Variants in PRKAR1A observed in about 807,000 individuals in gnomAD.
PRKAR1A encodes the protein protein kinase cAMP-dependent type I regulatory subunit alpha, also known as cAMP-dependent protein kinase type I-alpha regulatory subunit.
In PRKAR1A, 3 loss-of-function variants were observed where a neutral mutation model predicts 52.0. The observed-to-expected ratio is 0.06, with a 90% CI of 0.03 to 0.15. PRKAR1A has a LOEUF of 0.15. Ranked by LOEUF, PRKAR1A falls within the 10% of genes least tolerant of loss-of-function variation. The probability of loss-of-function intolerance (pLI) is 1.00; values close to 1 mark genes in which losing one functional copy is unlikely to be tolerated. For missense variants in PRKAR1A, 240 were observed against 477.4 expected (o/e 0.50, Z 4.63); for synonymous variants, 188 against 168.4 (o/e 1.12, Z -0.90).
chr17:68,546,723 G>A lies in PRKAR1A; in HGVS notation c.974-4361G>A, dbSNP rs560862883. 5.9e-5 allele frequency among the ~76,000 whole-genome samples: 9 copies of A among 152,026 alleles called. No individual in the cohort carries two copies. The South Asian group carries it at 1.5e-3, about 25-fold the overall frequency. On this transcript the variant is annotated intron_variant, in intron 11 of 11. Coordinates refer to the PRKAR1A transcript ENST00000585981. Reference sequence around the variant, plus strand: ...CCGGCGCCTGTAGTCCCAGCCACTCGGGAGGCTGAGGCAGGAGAATGGCGT... The same window carrying A: ...CCGGCGCCTGTAGTCCCAGCCACTCAGGAGGCTGAGGCAGGAGAATGGCGT...
chr17:68,542,079 A>C, intron 11 of PRKAR1A: 1 of 1,613,928 alleles, frequency 6.2e-7, no homozygotes, highest in Non-Finnish European at 8.5e-7. Flanking sequence ...GCAGAGAGGG[A>C]ACCCTCCAGC....
downstream of PRKAR1A, chr17:68,535,197 C>T (rs775081159): frequency 1.3e-5 from 6 of 444,588 alleles, no homozygotes; most frequent in Admixed American, 2.4e-5. Flanking sequence ...AAGAATGAAA[C>T]GGTTGGTTTT....
Position 68,531,378 on chromosome 17 carries a change from G to A in PRKAR1A, c.*929G>A. The A allele has an allele frequency of 9.4e-7, 1 of 1,065,686 alleles. No homozygotes were observed. Among genetic ancestry groups the A allele is most frequent in the African/African-American group, 1.6e-5 (1 of 61,184 alleles). 66.0% of individuals were successfully genotyped at this position (1,065,686 alleles called of 1,614,324 possible). A position where few individuals can be genotyped will look rare whatever the true frequency, so the allele number is the denominator to read the frequency against. On this transcript the variant is annotated 3_prime_UTR_variant, in exon 11 of 11. Transcript: ENST00000589228. ...TATAATCTCCTCTGCTCATTAAACT[G>A]ATTCCAGGAGATTGGATTTGCTGTG...
At chr17:68,484,664 T>C in the PRKAR1A span, among the ~76,000 whole-genome samples, 1 of 152,182 alleles carries the variant, frequency 6.6e-6, no homozygotes, top group Admixed American at 6.5e-5. Context: ...GAGTAAAATG[T>C]TCCAGGTTTT....
Position 68,515,158 on chromosome 17 carries a change from C to T in PRKAR1A, c.-6-236C>T, listed in dbSNP as rs72847785. On this transcript the variant is annotated intron_variant, in intron 1 of 10. Transcript: ENST00000589228. The stretch of plus-strand genomic sequence containing the variant: ...ACTTCCTCCCAGGAGCTGAGGTTAT[C>T]GACTCTCACTGTTGCCTACAGAGCA... 0.14 allele frequency: 76,170 copies of T among 525,868 alleles called. 5,862 individuals are homozygous for T. The highest frequency in any genetic ancestry group is 0.19 in the South Asian group (9,279 of 48,824). 32.6% of individuals were successfully genotyped at this position (525,868 alleles called of 1,614,324 possible).
chr17:68,503,271 T>C, the PRKAR1A span, among the ~76,000 whole-genome samples: 1 of 152,210 alleles, frequency 6.6e-6, no homozygotes, highest in Admixed American at 6.5e-5. Flanking sequence ...GAATGCAAGA[T>C]GGTACAGGGT....
intron 5 of PRKAR1A, 189 bp downstream of exon 5, chr17:68,524,266 G>A: frequency 1.7e-6 from 1 of 597,670 alleles, no homozygotes; most frequent in Non-Finnish European, 2.9e-6. Flanking sequence ...ACTTTGTATT[G>A]GGAACTAATA....
chr17:68,474,049 G>GA, the PRKAR1A span, among the ~76,000 whole-genome samples: 2 of 150,842 alleles, frequency 1.3e-5, no homozygotes, highest in South Asian at 4.1e-4. Flanking sequence ...AACTCTTGAA[G>GA]AAAAAAATGC....
the PRKAR1A span, among the ~76,000 whole-genome samples, chr17:68,468,579 C>A: frequency 6.6e-6 from 1 of 152,174 alleles, no homozygotes; most frequent in Non-Finnish European, 1.5e-5. Context: ...TTGGCTAAAG[C>A]TGAATGCACC....
chr17:68,452,815 G>A, the PRKAR1A span: 1 of 1,151,544 alleles, frequency 8.7e-7, no homozygotes, highest in Non-Finnish European at 1.3e-6. Context: ...CTAAGGAAGG[G>A]AAAAATAGGC....
downstream of PRKAR1A, among the ~76,000 whole-genome samples, chr17:68,534,014 C>T (rs546845197): frequency 1.1e-4 from 16 of 152,272 alleles, 1 homozygote; most frequent in South Asian, 2.9e-3. Context: ...TGTGAGCCAG[C>T]GTGCCCGTCT....
At chr17:68,520,575 TAAA>T (rs1430750939) in intron 2 of PRKAR1A, among the ~76,000 whole-genome samples, 7 of 152,144 alleles carry the variant, frequency 4.6e-5, no homozygotes, top group Admixed American at 4.6e-4. Flanking sequence ...TCACCTCACT[TAAA>T]GAGCTGAGGA....
At position 68,532,276 on chromosome 17, in the gene PRKAR1A, G is replaced by A. The variant is rs182258323; in HGVS notation, c.*1827G>A. ...TTGATCTTTGTTTAAATGCCAAAAT[G>A]TACTTAAATGAGTTACTTAGAATGC... On this transcript the variant is annotated 3_prime_UTR_variant, in exon 11 of 11. Coordinates refer to ENST00000589228, the MANE Select transcript of PRKAR1A (RefSeq NM_002734.5). 32 of 1,044,564 alleles carry A rather than the reference G, an allele frequency of 3.1e-5. No homozygotes were observed. In the East Asian group the frequency reaches 1.6e-3, roughly 51 times the overall value. The allele number at this position is 1,044,564 out of a possible 1,614,324, so 64.7% of individuals were successfully genotyped here. A position where few individuals can be genotyped will look rare whatever the true frequency, so the allele number is the denominator to read the frequency against.
chr17:68,513,320 C>G (rs549490843), intron 1 of PRKAR1A: 1 of 152,358 alleles, frequency 6.6e-6, no homozygotes, highest in African/African-American at 2.4e-5. Flanking sequence ...GACCGTCCTA[C>G]TCCTTGAGAG....
the PRKAR1A span, among the ~76,000 whole-genome samples, chr17:68,469,753 T>G: frequency 6.6e-6 from 1 of 152,192 alleles, no homozygotes; most frequent in Non-Finnish European, 1.5e-5. Flanking sequence ...AGCTTTTGTT[T>G]GTATGGATTA....
intron 2 of PRKAR1A, among the ~76,000 whole-genome samples, chr17:68,521,841 AAGT>A (rs1041527835): frequency 1.3e-5 from 2 of 152,232 alleles, no homozygotes; most frequent in African/African-American, 4.8e-5. Flanking sequence ...ATGAATGAGA[AAGT>A]AGAAGATAAC....
intron 2 of PRKAR1A, among the ~76,000 whole-genome samples, chr17:68,521,529 TC>T (rs2085610333): frequency 6.6e-6 from 1 of 152,264 alleles, no homozygotes; most frequent in African/African-American, 2.4e-5. Context: ...CTGTACCCAG[TC>T]ATGTATTCTT....
chr17:68,427,964 A>C, the PRKAR1A span, among the ~76,000 whole-genome samples: 1 of 151,872 alleles, frequency 6.6e-6, no homozygotes, highest in Non-Finnish European at 1.5e-5. Context: ...ACCACAGCTT[A>C]CTGCAGTCTT....
At chr17:68,526,144 A>G (rs1225568668) in intron 7 of PRKAR1A, among the ~76,000 whole-genome samples, 1 of 152,238 alleles carries the variant, frequency 6.6e-6, no homozygotes, top group African/African-American at 2.4e-5. Context: ...CTTGGGAAAC[A>G]AGATCTGGTA....
Sources: gnomAD v4.1 joint callset for allele counts (sites outside exome capture counted in the v4.1 genomes callset) on GRCh38, gnomAD v4.1.1 for gene constraint, MANE v1.5 for transcripts, NCBI Gene and HGNC (gene_info 2026-07-23, HGNC 2026-07-21) for gene names.